TFB1M: variants seen among roughly 807,000 people sequenced by gnomAD.
TFB1M encodes the protein transcription factor B1, mitochondrial, also known as dimethyladenosine transferase 1, mitochondrial.
Under a neutral mutation model 31.1 loss-of-function variants are expected in TFB1M, and 27 were observed. The observed-to-expected ratio is 0.87, with a 90% CI of 0.64 to 1.20. The LOEUF (loss-of-function observed/expected upper bound fraction) is 1.20, where lower values mean the gene tolerates loss of function less well. Ranked by LOEUF, TFB1M falls within the 50% of genes most tolerant of loss-of-function variation. TFB1M has a pLI of 0.00. For missense variants in TFB1M, 394 were observed against 418.7 expected (o/e 0.94, Z 0.51); for synonymous variants, 166 against 151.8 (o/e 1.09, Z -0.69).
chr6:155,304,429 G>A (rs1446532001), intron 2 of TFB1M, among the ~76,000 whole-genome samples: 2 of 152,114 alleles, frequency 1.3e-5, no homozygotes, highest in Non-Finnish European at 2.9e-5. Context: ...TGGAGTCTAA[G>A]GGACCAGGCA....
At chr6:155,252,691 C>T (rs916751083), downstream of TFB1M, among the ~76,000 whole-genome samples, 8 of 152,192 alleles carry the variant, frequency 5.3e-5, no homozygotes, top group East Asian at 1.9e-4. Context: ...AGCGTCAGGG[C>T]GTGGAAGCTT....
the TFB1M span, among the ~76,000 whole-genome samples, chr6:155,239,691 C>G: frequency 6.6e-6 from 1 of 152,190 alleles, no homozygotes; most frequent in Non-Finnish European, 1.5e-5. Context: ...CTATGTGATT[C>G]CTTTCCCATG....
chr6:155,258,735 C>CTCTT (rs1023756395), intron 6 of TFB1M, among the ~76,000 whole-genome samples: 7 of 152,200 alleles, frequency 4.6e-5, no homozygotes, highest in African/African-American at 1.7e-4. Context: ...AGTCTCAGGG[C>CTCTT]TCTTACAGAG....
intron 4 of TFB1M, among the ~76,000 whole-genome samples, chr6:155,288,092 A>T (rs900159178): frequency 1.3e-5 from 2 of 152,196 alleles, no homozygotes; most frequent in East Asian, 1.9e-4. Flanking sequence ...TGAAAACCAT[A>T]TAATTTACCT....
intron 2 of TFB1M, chr6:155,299,577 ACT>A (rs1777336333): frequency 6.6e-6 from 1 of 152,086 alleles, no homozygotes; most frequent in African/African-American, 2.4e-5. Flanking sequence ...GGAAGAAGTG[ACT>A]CTCTTCCCAC....
At chr6:155,236,233 G>C in the TFB1M span, among the ~76,000 whole-genome samples, 1 of 151,918 alleles carries the variant, frequency 6.6e-6, no homozygotes, top group Non-Finnish European at 1.5e-5. Context: ...CCTCAGTGGG[G>C]ACCCTGGGAC....
In TFB1M at chr6:155,256,808, C is replaced by T; in HGVS notation, c.*1028G>A. 6.2e-7 allele frequency: 1 copy of T among 1,614,208 alleles called. No homozygotes were observed. On this transcript the variant is annotated 3_prime_UTR_variant, in exon 7 of 7. Transcript: ENST00000367166. The stretch of plus-strand genomic sequence containing the variant: ...ATTCAGTTCCAGAGACTGAGGATTT[C>T]CGAGGACCCAGACGTTCACCCCGAG...
At chr6:155,263,116 C>G (rs890557972) in intron 5 of TFB1M, among the ~76,000 whole-genome samples, 1 of 152,198 alleles carries the variant, frequency 6.6e-6, no homozygotes, top group Non-Finnish European at 1.5e-5. Context: ...CTTCCTCTCC[C>G]TTTCCCCCAA....
At chr6:155,293,317 GA>G (rs1241732680) in intron 4 of TFB1M, among the ~76,000 whole-genome samples, 5 of 152,114 alleles carry the variant, frequency 3.3e-5, no homozygotes, top group Admixed American at 3.3e-4. Context: ...CTTCACTGCT[GA>G]TTTTTGATCT....
intron 5 of TFB1M, among the ~76,000 whole-genome samples, chr6:155,268,276 ACT>A (rs1216809347): frequency 6.6e-6 from 1 of 151,970 alleles, no homozygotes; most frequent in Non-Finnish European, 1.5e-5. Flanking sequence ...ACAAAAAAAC[ACT>A]CTGATGGTTC....
chr6:155,278,093 G>A (rs1322312142), intron 5 of TFB1M, among the ~76,000 whole-genome samples: 1 of 152,160 alleles, frequency 6.6e-6, no homozygotes, highest in African/African-American at 2.4e-5. Context: ...GTTTGGAAGT[G>A]GCAATCCTGC....
chr6:155,303,377 T>C (rs2114794663), intron 2 of TFB1M: 1 of 152,316 alleles, frequency 6.6e-6, no homozygotes, highest in South Asian at 2.1e-4. Context: ...TTCTTCTGCG[T>C]TTATATTTGT....
chr6:155,241,565 C>G, the TFB1M span, among the ~76,000 whole-genome samples: 1 of 152,172 alleles, frequency 6.6e-6, no homozygotes, highest in Non-Finnish European at 1.5e-5. Context: ...TTGGCACACA[C>G]GTGCGGCTAT....
chr6:155,285,954 A>G (rs996223511), intron 4 of TFB1M, among the ~76,000 whole-genome samples: 1 of 152,148 alleles, frequency 6.6e-6, no homozygotes. Context: ...AATTCCATGT[A>G]AAATTTATAT....
chr6:155,257,909 C>T lies in TFB1M; in HGVS notation c.968G>A (p.Arg323Lys). ...EDPQLFAYNF[R>K]EELKRRKSKN... is the part of the protein sequence containing the mutation. ...GCTTTTTCTTCGCTTGAGTTCTTCT[C>T]TGAAATTATATGCAAAGAGTTGTGG... Residue 323 changes from arginine (R) to lysine (K), a missense_variant, in exon 7 of 7, where the codon AGA becomes AAA. Physicochemically the swap from Arg to Lys is conservative, Grantham distance 26. Transcript: ENST00000367166. 6.2e-7 allele frequency: 1 copy of T among 1,614,170 alleles called. No individual in the cohort carries two copies. The highest frequency in any genetic ancestry group is 8.5e-7 in the Non-Finnish European group (1 of 1,180,032).
At chr6:155,291,802 T>C (rs1562412842) in intron 4 of TFB1M, among the ~76,000 whole-genome samples, 1 of 152,160 alleles carries the variant, frequency 6.6e-6, no homozygotes. Context: ...AGTGCCCTTG[T>C]TGGAAATGAT....
At chr6:155,284,561 C>T (rs985392341) in intron 5 of TFB1M, among the ~76,000 whole-genome samples, 1 of 152,190 alleles carries the variant, frequency 6.6e-6, no homozygotes, top group African/African-American at 2.4e-5. Context: ...CTTGTAATAA[C>T]TCACCAAGCA....
At chr6:155,236,613 A>G in the TFB1M span, among the ~76,000 whole-genome samples, 1 of 152,196 alleles carries the variant, frequency 6.6e-6, no homozygotes, top group East Asian at 1.9e-4. Flanking sequence ...CAGTGAGCTG[A>G]GATCGTGCCA....
intron 5 of TFB1M, among the ~76,000 whole-genome samples, 184 bp downstream of exon 5, chr6:155,284,974 G>A (rs556391989): frequency 9.2e-5 from 14 of 152,274 alleles, no homozygotes; most frequent in African/African-American, 3.1e-4. Flanking sequence ...TACCTAAGGA[G>A]AACAATTATA....
Sources: gnomAD v4.1 joint callset for allele counts (sites outside exome capture counted in the v4.1 genomes callset) on GRCh38, gnomAD v4.1.1 for gene constraint, MANE v1.5 for transcripts, NCBI Gene and HGNC (gene_info 2026-07-23, HGNC 2026-07-21) for gene names.